The following ZNF362 variants were observed in gnomAD, a reference collection of about 807,000 sequenced individuals.
ZNF362 encodes the protein zinc finger protein 362, also known as rotund homolog.
ZNF362 carries 11 observed loss-of-function variants against 42.9 expected under a neutral mutation model. The ratio of observed to expected loss-of-function variants is 0.26; its 90% CI spans 0.16 to 0.42. The LOEUF is 0.42. Among genes scored for constraint, ZNF362 ranks in the 20% least tolerant of loss-of-function variants. The pLI is 1.00. For synonymous variants in ZNF362, 255 were observed against 257.3 expected, an observed-to-expected ratio of 0.99 and a Z score of 0.09; for missense variants, 362 against 576.2, an observed-to-expected ratio of 0.63 and a Z score of 3.81.
the ZNF362 span, among the ~76,000 whole-genome samples, chr1:33,243,146 A>ATGT: frequency 6.7e-6 from 1 of 149,566 alleles, no homozygotes; most frequent in African/African-American, 2.5e-5. Flanking sequence ...ATGTTATGTT[A>ATGT]TGTTATGTTA....
the ZNF362 span, among the ~76,000 whole-genome samples, chr1:33,185,800 T>C: frequency 1.3e-5 from 2 of 152,000 alleles, no homozygotes; most frequent in Non-Finnish European, 2.9e-5. Flanking sequence ...CCAAGAGCTA[T>C]TGTTGAGTGA....
At chr1:33,158,189 A>G in the ZNF362 span, 1 of 1,472,956 alleles carries the variant, frequency 6.8e-7, no homozygotes, top group Non-Finnish European at 9.5e-7. Flanking sequence ...TGTTTAGGAC[A>G]GGGGGCTGGG....
chr1:33,257,023 G>A (rs1645797711), intron 1 of ZNF362, among the ~76,000 whole-genome samples: 1 of 152,140 alleles, frequency 6.6e-6, no homozygotes, highest in African/African-American at 2.4e-5. Flanking sequence ...GCAAATAAAC[G>A]GATTGCAAAC....
At chr1:33,156,448 G>T in the ZNF362 span, among the ~76,000 whole-genome samples, 4 of 152,162 alleles carry the variant, frequency 2.6e-5, no homozygotes, top group African/African-American at 9.7e-5. Context: ...AGCAGCCTTT[G>T]TCACTGTTAG....
At chr1:33,157,913 T>C in the ZNF362 span, among the ~76,000 whole-genome samples, 1 of 152,060 alleles carries the variant, frequency 6.6e-6, no homozygotes, top group Non-Finnish European at 1.5e-5. Context: ...CACGCCACCA[T>C]GCCCAGCTAA....
the ZNF362 span, among the ~76,000 whole-genome samples, chr1:33,237,364 G>C: frequency 5.8e-3 from 882 of 152,244 alleles, 19 homozygotes; most frequent in East Asian, 0.084. Context: ...GGACAGGCTT[G>C]ATTGCAACAG....
chr1:33,165,907 A>C, the ZNF362 span: 1 of 185,336 alleles, frequency 5.4e-6, no homozygotes, highest in Non-Finnish European at 1.1e-5. This position sits in a 1 kb window ranked among gnomAD's most constrained non-coding sequence, Gnocchi z 4.0. Flanking sequence ...TCCAACCCCC[A>C]GGCCACAGGT....
chr1:33,193,022 T>TATATATATATATATAC, the ZNF362 span, among the ~76,000 whole-genome samples: 2 of 139,248 alleles, frequency 1.4e-5, no homozygotes, highest in South Asian at 4.7e-4. Flanking sequence ...TATATATATA[T>TATATATATATATATAC]ACGCATATAT....
At chr1:33,237,207 C>T in the ZNF362 span, among the ~76,000 whole-genome samples, 4 of 152,088 alleles carry the variant, frequency 2.6e-5, no homozygotes, top group East Asian at 7.7e-4. Flanking sequence ...TTAATGACTC[C>T]TCCCCCTGCC....
At chr1:33,279,121 C>T (rs1487378003) in intron 4 of ZNF362, among the ~76,000 whole-genome samples, 1 of 152,060 alleles carries the variant, frequency 6.6e-6, no homozygotes, top group East Asian at 1.9e-4. Flanking sequence ...ACCTCTGGGG[C>T]TCAAGTGATC....
upstream of ZNF362, among the ~76,000 whole-genome samples, chr1:33,256,194 G>T (rs1365290419): frequency 1.4e-5 from 2 of 142,888 alleles, no homozygotes; most frequent in African/African-American, 2.5e-5. Flanking sequence ...CGGCGGCGGC[G>T]ACGGCGAGCG....
chr1:33,278,929 C>T (rs1645970397), intron 4 of ZNF362, among the ~76,000 whole-genome samples: 1 of 152,180 alleles, frequency 6.6e-6, no homozygotes, highest in Non-Finnish European at 1.5e-5. Flanking sequence ...TGGATATGTA[C>T]ACACATCTTT....
chr1:33,174,260 C>T, the ZNF362 span, among the ~76,000 whole-genome samples: 1 of 151,716 alleles, frequency 6.6e-6, no homozygotes. Flanking sequence ...CAGCTCACTG[C>T]AGTTTCAACC....
At chr1:33,146,009 G>A in the ZNF362 span, 309 of 436,138 alleles carry the variant, frequency 7.1e-4, 1 homozygote, top group Admixed American at 1.8e-3. Flanking sequence ...TGGCTGGCAC[G>A]GACCGTGGCA....
In ZNF362 at chr1:33,276,570, C is replaced by T; in HGVS notation, c.325C>T (p.Arg109Trp). Residue 109 changes from arginine (R) to tryptophan (W), a missense_variant, in exon 4 of 9, where the codon CGG becomes TGG. Around this residue, in one of 3 missense-constraint regions of ZNF362, gnomAD observed 266 missense variants for 365.4 expected, o/e 0.73. Transcript: ENST00000539719. ...VPQPDVALHARPATSTVTGLG... is the reference protein window; with the variant it reads ...VPQPDVALHAWPATSTVTGLG... ...GCAGCCCGACGTGGCGCTGCACGCA[C>T]GGCCGGCCACCAGCACCGTCACAGG... The T allele has an allele frequency of 2.9e-6, 4 of 1,382,762 alleles. No homozygotes were observed. Among genetic ancestry groups the T allele is most frequent in the East Asian group, 3.0e-5 (1 of 32,986 alleles). 85.7% of individuals were successfully genotyped at this position (1,382,762 alleles called of 1,614,324 possible).
chr1:33,128,771 A>C, the ZNF362 span, among the ~76,000 whole-genome samples: 1 of 152,202 alleles, frequency 6.6e-6, no homozygotes, highest in Non-Finnish European at 1.5e-5. Context: ...GAGAAGTCAG[A>C]ATGGATGGCT....
chr1:33,177,123 G>T, the ZNF362 span, among the ~76,000 whole-genome samples: 1 of 151,264 alleles, frequency 6.6e-6, no homozygotes, highest in South Asian at 2.1e-4. The surrounding 1 kb of genome is among the most constrained non-coding windows in gnomAD (Gnocchi z 4.1). Context: ...ATGCATGTAC[G>T]CATGCACACA....
the ZNF362 span, among the ~76,000 whole-genome samples, chr1:33,208,583 G>T: frequency 6.6e-6 from 1 of 152,074 alleles, no homozygotes; most frequent in South Asian, 2.1e-4. Flanking sequence ...TCTTCCATTT[G>T]TTTGTGTCCT....
At chr1:33,187,977 T>A in the ZNF362 span, among the ~76,000 whole-genome samples, 3 of 152,324 alleles carry the variant, frequency 2.0e-5, no homozygotes, top group Admixed American at 6.5e-5. Context: ...GGCTCACGCC[T>A]GTAATCCCAG....
Sources: gnomAD v4.1 joint callset for allele counts (sites outside exome capture counted in the v4.1 genomes callset) on GRCh38, gnomAD v4.1.1 for gene constraint, gnomAD v4.1.1 regional missense constraint, Gnocchi (gnomAD v3.1) non-coding constraint, MANE v1.5 for transcripts, NCBI Gene and HGNC (gene_info 2026-07-23, HGNC 2026-07-21) for gene names.